RAB3C: variants seen among roughly 807,000 people sequenced by gnomAD.
RAB3C encodes the protein ras-related protein Rab-3C.
RAB3C carries 17 observed loss-of-function variants against 26.4 expected under a neutral mutation model. The observed-to-expected ratio is 0.64, with a 90% CI of 0.44 to 0.97. The LOEUF (loss-of-function observed/expected upper bound fraction) is 0.97. RAB3C is among the 50% of genes least tolerant of loss of function. The pLI is 0.00. For synonymous variants in RAB3C, 91 were observed against 95.9 expected, an observed-to-expected ratio of 0.95 and a Z score of 0.30; for missense variants, 242 against 281.9, an observed-to-expected ratio of 0.86 and a Z score of 1.01.
At chr5:58,826,368 A>C (rs1350749790) in intron 4 of RAB3C, among the ~76,000 whole-genome samples, 1 of 152,194 alleles carries the variant, frequency 6.6e-6, no homozygotes, top group African/African-American at 2.4e-5. Flanking sequence ...GATGAGCATA[A>C]GGTGAGAGGA....
intron 1 of RAB3C, among the ~76,000 whole-genome samples, chr5:58,604,950 T>A (rs1746529653): frequency 6.6e-6 from 1 of 152,152 alleles, no homozygotes. Flanking sequence ...CAGGCAGGAA[T>A]GGGCTGCTTG....
intron 1 of RAB3C, among the ~76,000 whole-genome samples, chr5:58,616,013 C>CT (rs1746818942): frequency 6.6e-6 from 1 of 151,792 alleles, no homozygotes; most frequent in Non-Finnish European, 1.5e-5. Context: ...CACACACACC[C>CT]CTGACTTCAG....
At chr5:58,627,874 G>C (rs935885784) in intron 2 of RAB3C, among the ~76,000 whole-genome samples, 1 of 152,080 alleles carries the variant, frequency 6.6e-6, no homozygotes, top group Admixed American at 6.6e-5. Context: ...ACAAAGCATC[G>C]GGGCCAGGCG....
chr5:58,791,441 C>A (rs1031444156), intron 3 of RAB3C, among the ~76,000 whole-genome samples: 1 of 152,152 alleles, frequency 6.6e-6, no homozygotes, highest in African/African-American at 2.4e-5. Context: ...ATCCCCAGTG[C>A]AAACTCTGCA....
intron 2 of RAB3C, among the ~76,000 whole-genome samples, chr5:58,700,583 A>G (rs948877712): frequency 1.3e-5 from 2 of 152,214 alleles, no homozygotes; most frequent in African/African-American, 4.8e-5. Flanking sequence ...CAAAAATAAC[A>G]TTCATTGTGT....
At chr5:58,676,598 G>C (rs894763179) in intron 2 of RAB3C, among the ~76,000 whole-genome samples, 2 of 152,084 alleles carry the variant, frequency 1.3e-5, no homozygotes, top group Admixed American at 6.5e-5. Flanking sequence ...CTGGAGGTGC[G>C]GGGTGGTAGG....
At chr5:58,844,040 C>T (rs1332070154) in intron 4 of RAB3C, among the ~76,000 whole-genome samples, 1 of 152,190 alleles carries the variant, frequency 6.6e-6, no homozygotes, top group East Asian at 1.9e-4. Context: ...CACTATGTTA[C>T]TATCTCTAGA....
At chr5:58,748,746 G>A (rs1377235937) in intron 3 of RAB3C, among the ~76,000 whole-genome samples, 1 of 152,168 alleles carries the variant, frequency 6.6e-6, no homozygotes, top group Admixed American at 6.5e-5. Flanking sequence ...ATGTCTAACT[G>A]TCCATCAAGT....
chr5:58,626,389 T>G (rs1353199417), intron 2 of RAB3C, among the ~76,000 whole-genome samples: 2 of 152,174 alleles, frequency 1.3e-5, no homozygotes, highest in Non-Finnish European at 2.9e-5. Flanking sequence ...CTTCATAAAT[T>G]TACCAACCAA....
chr5:58,704,511 A>C (rs1748906847), intron 2 of RAB3C, among the ~76,000 whole-genome samples: 1 of 152,182 alleles, frequency 6.6e-6, no homozygotes, highest in African/African-American at 2.4e-5. Context: ...TAAATAGCTG[A>C]ATATAATCGC....
chr5:58,775,669 C>T (rs1270111812), intron 3 of RAB3C, among the ~76,000 whole-genome samples: 1 of 152,034 alleles, frequency 6.6e-6, no homozygotes, highest in Non-Finnish European at 1.5e-5. Flanking sequence ...AGTGAAGTTT[C>T]TCCATTTGTA....
At chr5:58,583,762 A>T (rs1211639366) in intron 1 of RAB3C, among the ~76,000 whole-genome samples, 1 of 152,074 alleles carries the variant, frequency 6.6e-6, no homozygotes, top group Non-Finnish European at 1.5e-5. Flanking sequence ...TAGCAAACAC[A>T]TCGGGGCTTG....
chr5:58,852,132 A>C lies in RAB3C; in HGVS notation c.*781A>C, dbSNP rs1744128132. The C allele has an allele frequency of 6.6e-6, 1 of 152,016 alleles. No homozygotes were observed. The allele number at this position is 152,016 out of a possible 1,614,324, so 9.4% of individuals were successfully genotyped here. ...ATTCAACATCATTGAACAGATTGAGACATATCTACTGAATGCCAGTTATGC... is the reference window on the plus strand; with the variant it reads ...ATTCAACATCATTGAACAGATTGAGCCATATCTACTGAATGCCAGTTATGC... On this transcript the variant is annotated 3_prime_UTR_variant, in exon 5 of 5. Transcript: ENST00000282878.
At chr5:58,842,901 AG>A (rs138498712) in intron 4 of RAB3C, among the ~76,000 whole-genome samples, 9,060 of 152,326 alleles carry the variant, frequency 0.059, 368 homozygotes, top group East Asian at 0.13. Context: ...CATATTAGAA[AG>A]GATAAGAAAT....
At chr5:58,747,813 T>C (rs931983489) in intron 3 of RAB3C, among the ~76,000 whole-genome samples, 2 of 151,868 alleles carry the variant, frequency 1.3e-5, no homozygotes, top group Non-Finnish European at 2.9e-5. Flanking sequence ...AGGATTACAA[T>C]TAAGACCTTA....
In RAB3C at chr5:58,629,809, G is replaced by A. The variant is rs185879524; in HGVS notation, c.252+11939G>A. Among the ~76,000 whole-genome samples the A allele has an allele frequency of 2.4e-4, 37 of 152,340 alleles. No homozygotes were observed. The East Asian group carries it at 6.6e-3, about 27-fold the overall frequency. ...AGCAGGGACAAAAATTGGGGAAGCTGTCAGTGATTAATCAAGTCCTGGACC... is the reference window on the plus strand; with the variant it reads ...AGCAGGGACAAAAATTGGGGAAGCTATCAGTGATTAATCAAGTCCTGGACC... On this transcript the variant is annotated intron_variant, in intron 2 of 4. Transcript: ENST00000282878.
At chr5:58,831,801 C>A (rs1423364) in intron 4 of RAB3C, among the ~76,000 whole-genome samples, 5 of 151,826 alleles carry the variant, frequency 3.3e-5, no homozygotes, top group African/African-American at 7.3e-5. Flanking sequence ...AAACCCAAGG[C>A]GGGGACAAGG....
In RAB3C at chr5:58,782,304, C is replaced by T. The variant is rs1009518452; in HGVS notation, c.372-42734C>T. ...TCTCTCTCTACATGCTTGTGTGTTA[C>T]ATGACATGGTATGATGCCTTAAACT... On this transcript the variant is annotated intron_variant, in intron 3 of 4. Coordinates refer to ENST00000282878, the MANE Select transcript of RAB3C (RefSeq NM_138453.4). 3.3e-5 allele frequency among the ~76,000 whole-genome samples: 5 copies of T among 152,128 alleles called. No individual in the cohort carries two copies. In the East Asian group the frequency reaches 9.6e-4, roughly 29 times the overall value.
intron 3 of RAB3C, among the ~76,000 whole-genome samples, chr5:58,743,767 A>G (rs564601405): frequency 8.9e-4 from 135 of 152,190 alleles, no homozygotes; most frequent in Non-Finnish European, 1.7e-3. Flanking sequence ...AAATCTCTCC[A>G]AGTGGATTGC....
Sources: allele counts gnomAD v4.1 joint callset (sites outside exome capture counted in the v4.1 genomes callset), GRCh38; gene constraint gnomAD v4.1.1; transcripts MANE v1.5; gene names NCBI Gene and HGNC (gene_info 2026-07-23, HGNC 2026-07-21).